Variants in TEX9 observed in about 807,000 individuals in gnomAD.
The protein encoded by TEX9 is testis expressed 9.
In TEX9, 74 loss-of-function variants were observed where a neutral mutation model predicts 59.6. The ratio of observed to expected loss-of-function variants is 1.24; its 90% CI spans 1.03 to 1.51. The LOEUF (loss-of-function observed/expected upper bound fraction) is 1.51. Among genes scored for constraint, TEX9 ranks in the 40% most tolerant of loss-of-function variants. TEX9 has a pLI of 0.00. For synonymous variants in TEX9, 186 were observed against 152.2 expected, an observed-to-expected ratio of 1.22 and a Z score of -1.64; for missense variants, 522 against 447.8, an observed-to-expected ratio of 1.17 and a Z score of -1.49.
chr15:56,283,286 C>T (rs1286626822), intron 1 of TEX9, among the ~76,000 whole-genome samples: 3 of 151,950 alleles, frequency 2.0e-5, no homozygotes, highest in Non-Finnish European at 2.9e-5. Context: ...GTTTAAAACG[C>T]ATGCAATCAA....
chr15:56,255,314 G>A (rs1419786580), intron 1 of TEX9, among the ~76,000 whole-genome samples: 1 of 152,082 alleles, frequency 6.6e-6, no homozygotes, highest in African/African-American at 2.4e-5. Flanking sequence ...AAAGCATGAT[G>A]GAGAGATAGG....
intron 1 of TEX9, among the ~76,000 whole-genome samples, chr15:56,336,859 C>G (rs1406760066): frequency 6.6e-6 from 1 of 152,090 alleles, no homozygotes; most frequent in African/African-American, 2.4e-5. Context: ...GGAGTGAAAA[C>G]TGGGGCAAGG....
At chr15:56,371,923 C>T (rs1413790337) in intron 2 of TEX9, among the ~76,000 whole-genome samples, 1 of 152,216 alleles carries the variant, frequency 6.6e-6, no homozygotes, top group Non-Finnish European at 1.5e-5. Flanking sequence ...TGTATCCCTT[C>T]ATGACTCACA....
chr15:56,447,224 C>T (rs907635197), downstream of TEX9: 4 of 222,526 alleles, frequency 1.8e-5, no homozygotes, highest in Admixed American at 1.0e-4. Context: ...AATTATAATA[C>T]GTCTACATAT....
intron 1 of TEX9, among the ~76,000 whole-genome samples, chr15:56,311,252 C>G (rs1189255434): frequency 2.1e-5 from 3 of 139,560 alleles, no homozygotes; most frequent in Admixed American, 2.1e-4. Flanking sequence ...ACTAACTCGT[C>G]ATCTAGCATT....
intron 9 of TEX9, among the ~76,000 whole-genome samples, chr15:56,403,324 A>T (rs1189735970): frequency 6.6e-6 from 1 of 152,266 alleles, no homozygotes; most frequent in Non-Finnish European, 1.5e-5. Flanking sequence ...AATCACAAGC[A>T]TTCCTATACA....
intron 7 of TEX9, among the ~76,000 whole-genome samples, 153 bp downstream of exon 7, chr15:56,391,571 G>T (rs1340464159): frequency 6.6e-6 from 1 of 151,968 alleles, no homozygotes; most frequent in Non-Finnish European, 1.5e-5. Context: ...AGGGAGGAAT[G>T]AATGGGATTA....
Position 56,412,451 on chromosome 15 carries a change from A to T in TEX9, c.963+15A>T. The T allele has an allele frequency of 6.2e-7, 1 of 1,601,914 alleles. No homozygotes were observed. The highest frequency in any genetic ancestry group is 8.5e-7 in the Non-Finnish European group (1 of 1,176,742). On this transcript the variant is annotated intron_variant, in intron 10 of 12. Coordinates refer to ENST00000352903, the Ensembl canonical transcript of TEX9. Reference sequence around the variant, plus strand: ...AAAATAACAAGGTATGGAAAAATTGAATAGCTTTTGTAGTGATCCCTTTTG... The same window carrying T: ...AAAATAACAAGGTATGGAAAAATTGTATAGCTTTTGTAGTGATCCCTTTTG...
chr15:56,394,520 T>C, intron 8 of TEX9, 141 bp from the exon 9 acceptor site: 1 of 706,514 alleles, frequency 1.4e-6, no homozygotes. Flanking sequence ...ACTTCCATTT[T>C]TGAAGATAAA....
intron 1 of TEX9, among the ~76,000 whole-genome samples, chr15:56,252,380 T>C (rs2044042870): frequency 4.7e-5 from 1 of 21,446 alleles, no homozygotes; most frequent in Non-Finnish European, 9.3e-5. Flanking sequence ...TAGAAAAACC[T>C]TTTTTTTTTT....
upstream of TEX9, among the ~76,000 whole-genome samples, chr15:56,364,914 C>T (rs1451468954): frequency 6.6e-6 from 1 of 152,136 alleles, no homozygotes; most frequent in African/African-American, 2.4e-5. Flanking sequence ...AATGAAGTGG[C>T]CGATATACAG....
intron 3 of TEX9, among the ~76,000 whole-genome samples, chr15:56,376,232 T>TA (rs1161142648): frequency 1.3e-4 from 19 of 151,762 alleles, no homozygotes; most frequent in African/African-American, 4.1e-4. Flanking sequence ...AATAATAAAA[T>TA]AAAAAAAAGA....
intron 1 of TEX9, among the ~76,000 whole-genome samples, chr15:56,309,842 G>A (rs2045569434): frequency 6.6e-6 from 1 of 151,420 alleles, no homozygotes. Flanking sequence ...AGAGTGGGAG[G>A]GGAAATAGTG....
At chr15:56,260,397 G>A (rs1277299800) in intron 1 of TEX9, among the ~76,000 whole-genome samples, 5 of 151,984 alleles carry the variant, frequency 3.3e-5, no homozygotes, top group East Asian at 1.9e-4. Flanking sequence ...TAAAAAGTTC[G>A]CTTATATTTC....
intron 1 of TEX9, among the ~76,000 whole-genome samples, chr15:56,298,627 C>T (rs150351587): frequency 5.4e-4 from 82 of 152,208 alleles, no homozygotes; most frequent in Admixed American, 2.6e-3. Context: ...TCTGTCCATC[C>T]CTTTATTGCT....
At chr15:56,396,396 A>G (rs754917768) in intron 9 of TEX9, 11 of 152,086 alleles carry the variant, frequency 7.2e-5, no homozygotes, top group Non-Finnish European at 1.5e-4. Context: ...CTATCACTAT[A>G]ATTGAGACAT....
chr15:56,451,246 A>G, the TEX9 span, among the ~76,000 whole-genome samples: 1 of 152,224 alleles, frequency 6.6e-6, no homozygotes, highest in Non-Finnish European at 1.5e-5. Flanking sequence ...GATATACCCA[A>G]CAATTTGTGA....
At chr15:56,409,535 C>G (rs12438717) in intron 9 of TEX9, among the ~76,000 whole-genome samples, 6,746 of 152,276 alleles carry the variant, frequency 0.044, 227 homozygotes, top group Admixed American at 0.087. Context: ...GGATCTCACT[C>G]TGTTGCTCAG....
intron 1 of TEX9, among the ~76,000 whole-genome samples, chr15:56,334,396 C>T (rs1294305290): frequency 1.3e-5 from 2 of 152,116 alleles, no homozygotes; most frequent in African/African-American, 4.8e-5. Flanking sequence ...GTGCCAAGAA[C>T]ATACAGTAAG....
Sources: allele counts gnomAD v4.1 joint callset (sites outside exome capture counted in the v4.1 genomes callset), GRCh38; gene constraint gnomAD v4.1.1; transcripts MANE v1.5; gene names NCBI Gene and HGNC (gene_info 2026-07-23, HGNC 2026-07-21).